Variants in TTC28 observed in about 807,000 individuals in gnomAD.
The protein encoded by TTC28 is tetratricopeptide repeat protein 28.
TTC28 carries 61 observed loss-of-function variants against 198.0 expected under a neutral mutation model. That is an observed-to-expected ratio of 0.31 (90% CI 0.25 to 0.38). The LOEUF is 0.38. Among genes scored for constraint, TTC28 ranks in the 10% least tolerant of loss-of-function variants. TTC28 has a pLI of 1.00. For missense variants in TTC28, 2,678 were observed against 3,164.0 expected (o/e 0.85, Z 3.69); for synonymous variants, 1,171 against 1,297.8 (o/e 0.90, Z 2.10).
chr22:28,372,327 A>C (rs1168520619), intron 2 of TTC28, among the ~76,000 whole-genome samples: 2 of 152,194 alleles, frequency 1.3e-5, no homozygotes, highest in Non-Finnish European at 2.9e-5. Context: ...AATATGTAGT[A>C]ATTTCACTAC....
intron 1 of TTC28, among the ~76,000 whole-genome samples, chr22:28,632,253 CTTTTTTTTTTTT>C (rs765447917): frequency 1.2e-4 from 6 of 49,698 alleles, no homozygotes; most frequent in South Asian, 1.1e-3. Context: ...TTATATTCAA[CTTTTTTTTTTTT>C]TTTTTTTTTT....
chr22:28,515,597 T>C (rs2048770236), intron 2 of TTC28, among the ~76,000 whole-genome samples: 1 of 152,160 alleles, frequency 6.6e-6, no homozygotes, highest in Non-Finnish European at 1.5e-5. Context: ...AATCTAATCT[T>C]TGGGCAATGC....
At chr22:28,389,845 A>C (rs2046685186) in intron 2 of TTC28, among the ~76,000 whole-genome samples, 1 of 151,158 alleles carries the variant, frequency 6.6e-6, no homozygotes, top group Admixed American at 6.6e-5. Flanking sequence ...TATTACCTTC[A>C]GTTCTGCTCT....
At chr22:28,021,797 T>C (rs1938613648) in intron 13 of TTC28, among the ~76,000 whole-genome samples, 1 of 152,108 alleles carries the variant, frequency 6.6e-6, no homozygotes, top group Admixed American at 6.5e-5. Context: ...ATGGTCTGTC[T>C]AGATATAGGG....
intron 2 of TTC28, among the ~76,000 whole-genome samples, chr22:28,384,651 T>C (rs984995745): frequency 6.6e-6 from 1 of 152,214 alleles, no homozygotes; most frequent in African/African-American, 2.4e-5. Flanking sequence ...TTCCTCTGCC[T>C]TGTGACCCAC....
In TTC28 at chr22:28,096,418, A is replaced by C. The variant is rs778526916; in HGVS notation, c.3548-10T>G. ...GCTTCATCATGATGGCCTAGGAGAC[A>C]AAGAGATATGCCGAGGAGTCCATAG... is the stretch of plus-strand genomic sequence containing the variant. On this transcript the variant is annotated splice_polypyrimidine_tract_variant and intron_variant, in intron 10 of 22. Transcript: ENST00000397906. 1 of 1,550,614 alleles carries C rather than the reference A, an allele frequency of 6.4e-7. No homozygotes were observed. Among genetic ancestry groups the C allele is most frequent in the South Asian group, 1.2e-5 (1 of 83,968 alleles).
At chr22:28,268,081 G>A (rs1931802286) in intron 5 of TTC28, among the ~76,000 whole-genome samples, 1 of 152,178 alleles carries the variant, frequency 6.6e-6, no homozygotes, top group African/African-American at 2.4e-5. Flanking sequence ...GAGATTAAAA[G>A]CAAATGGAGG....
intron 12 of TTC28, among the ~76,000 whole-genome samples, chr22:28,080,766 A>C (rs1297077424): frequency 6.6e-6 from 1 of 152,150 alleles, no homozygotes. Flanking sequence ...TGCCAAATCC[A>C]ATGTCAAGTA....
At chr22:28,135,505 A>G (rs1315593609) in intron 6 of TTC28, among the ~76,000 whole-genome samples, 1 of 152,226 alleles carries the variant, frequency 6.6e-6, no homozygotes, top group African/African-American at 2.4e-5. Flanking sequence ...AATCCCAGGA[A>G]GGCTGTGTGG....
At chr22:28,087,787 T>G (rs2146835232) in intron 12 of TTC28, among the ~76,000 whole-genome samples, 1 of 152,260 alleles carries the variant, frequency 6.6e-6, no homozygotes, top group South Asian at 2.1e-4. Flanking sequence ...CAAAATCTCC[T>G]TAAGCTGATA....
intron 2 of TTC28, among the ~76,000 whole-genome samples, chr22:28,318,469 T>C (rs1303011564): frequency 6.6e-6 from 1 of 152,152 alleles, no homozygotes; most frequent in Non-Finnish European, 1.5e-5. Context: ...GGAAACCCAC[T>C]GCTTGCTTGT....
chr22:28,492,399 C>A (rs1408309147), intron 2 of TTC28, among the ~76,000 whole-genome samples: 1 of 151,956 alleles, frequency 6.6e-6, no homozygotes, highest in African/African-American at 2.4e-5. Context: ...TGAATGGATG[C>A]CTTCTAGTTA....
In TTC28 at chr22:28,194,472, C is replaced by A. The variant is rs1260723388; in HGVS notation, c.934-30873G>T. Among the ~76,000 whole-genome samples the A allele has an allele frequency of 3.9e-5, 6 of 152,054 alleles. No individual in the cohort carries two copies. The East Asian group carries it at 9.7e-4, about 25-fold the overall frequency. On this transcript the variant is annotated intron_variant, in intron 5 of 22. Transcript: ENST00000397906. ...GGAAATAGAGACATAAAAAACCCTT[C>A]AAAAAATCAAGGAATCCAGGAGCTG...
chr22:27,999,288 AC>A (rs1466224312), intron 15 of TTC28, 28 bp from the exon 16 acceptor site: 1 of 1,518,146 alleles, frequency 6.6e-7, no homozygotes, highest in East Asian at 2.5e-5. Flanking sequence ...AAAGCAGACC[AC>A]CCGTCAGACA....
intron 12 of TTC28, among the ~76,000 whole-genome samples, chr22:28,067,352 G>A (rs73880383): frequency 0.067 from 10,148 of 152,180 alleles, 394 homozygotes; most frequent in South Asian, 0.09. Context: ...TGTAGTATGC[G>A]TCTGACAAAC....
At chr22:28,556,778 C>A (rs1384209034) in intron 2 of TTC28, among the ~76,000 whole-genome samples, 1 of 152,166 alleles carries the variant, frequency 6.6e-6, no homozygotes, top group African/African-American at 2.4e-5. Context: ...GAAGGGCTGG[C>A]CAGGGCAGAA....
At chr22:28,555,921 T>C (rs1258002210) in intron 2 of TTC28, among the ~76,000 whole-genome samples, 1 of 152,226 alleles carries the variant, frequency 6.6e-6, no homozygotes, top group East Asian at 1.9e-4. Flanking sequence ...TAATTCTTAT[T>C]TACATTTATC....
At chr22:28,670,108 G>GC (rs1011324393) in intron 1 of TTC28, among the ~76,000 whole-genome samples, 5 of 135,386 alleles carry the variant, frequency 3.7e-5, no homozygotes, top group Non-Finnish European at 8.0e-5. Context: ...TGGGGGGGGG[G>GC]CAAATAAAGA....
chr22:28,081,550 T>C (rs937018088), intron 12 of TTC28, among the ~76,000 whole-genome samples: 46 of 151,340 alleles, frequency 3.0e-4, no homozygotes, highest in African/African-American at 1.1e-3. Flanking sequence ...TGGAGTGCAG[T>C]GACGCGATCT....
Sources: allele counts gnomAD v4.1 joint callset (sites outside exome capture counted in the v4.1 genomes callset), GRCh38; gene constraint gnomAD v4.1.1; transcripts MANE v1.5; gene names NCBI Gene and HGNC (gene_info 2026-07-23, HGNC 2026-07-21).